PDE4B: variants seen among roughly 807,000 people sequenced by gnomAD.
PDE4B encodes 3',5'-cyclic-AMP phosphodiesterase 4B.
A neutral mutation model predicts 82.2 loss-of-function variants in PDE4B; 20 were observed. That is an observed-to-expected ratio of 0.24 (90% confidence interval 0.17 to 0.35). The LOEUF (loss-of-function observed/expected upper bound fraction) is 0.35. PDE4B is among the 10% of genes least tolerant of loss of function. The pLI is 1.00. For synonymous variants in PDE4B, 320 were observed against 318.9 expected (o/e 1.00, Z -0.04); for missense variants, 655 against 907.2 (o/e 0.72, Z 3.57).
chr1:66,155,155 A>G (rs1358652903), intron 3 of PDE4B, among the ~76,000 whole-genome samples: 3 of 152,124 alleles, frequency 2.0e-5, no homozygotes, highest in African/African-American at 7.2e-5. Context: ...TTACATATAG[A>G]TTGGAGCTGA....
At chr1:66,061,010 G>C (rs1028561791) in intron 3 of PDE4B, among the ~76,000 whole-genome samples, 2 of 151,754 alleles carry the variant, frequency 1.3e-5, no homozygotes, top group South Asian at 4.2e-4. Flanking sequence ...TGAGAAAGAA[G>C]AGTGGGCAGC....
chr1:66,299,910 CT>C (rs1657765912), intron 7 of PDE4B, among the ~76,000 whole-genome samples: 1 of 151,882 alleles, frequency 6.6e-6, no homozygotes, highest in Admixed American at 6.6e-5. Context: ...ATTTGTAGGA[CT>C]TTTTAGTAAC....
At chr1:65,933,721 A>G (rs909266394) in intron 3 of PDE4B, among the ~76,000 whole-genome samples, 2 of 152,184 alleles carry the variant, frequency 1.3e-5, no homozygotes, top group African/African-American at 4.8e-5. Flanking sequence ...CTTAAAAGGA[A>G]TGCTAATGGA....
At chr1:65,856,777 C>A (rs981149963) in intron 1 of PDE4B, among the ~76,000 whole-genome samples, 5 of 152,184 alleles carry the variant, frequency 3.3e-5, no homozygotes, top group African/African-American at 1.2e-4. Flanking sequence ...CATGGTTGAA[C>A]TAACTTACAT....
intron 1 of PDE4B, among the ~76,000 whole-genome samples, chr1:65,816,538 CTCAA>C (rs1645887787): frequency 6.6e-6 from 1 of 152,034 alleles, no homozygotes; most frequent in East Asian, 1.9e-4. Context: ...ATGGTTCATA[CTCAA>C]TTTTGATTTT....
chr1:66,202,631 TG>T (rs1649093994), intron 3 of PDE4B, among the ~76,000 whole-genome samples: 4 of 152,072 alleles, frequency 2.6e-5, no homozygotes, highest in African/African-American at 9.7e-5. Context: ...TGATCTTTGT[TG>T]GTTTAAAGTC....
intron 1 of PDE4B, among the ~76,000 whole-genome samples, chr1:65,877,347 G>C (rs1474820329): frequency 6.6e-6 from 1 of 152,144 alleles, no homozygotes; most frequent in Non-Finnish European, 1.5e-5. Flanking sequence ...CGGGTGCAGT[G>C]GCTCACGCCT....
At chr1:66,372,176 G>A (rs783068) in intron 16 of PDE4B, 137 bp from the exon 17 acceptor site, 194,897 of 849,354 alleles carry the variant, frequency 0.23, 25,006 homozygotes, top group Non-Finnish European at 0.27. Context: ...TGTATTGTGA[G>A]TGCCCAAATC....
At chr1:65,803,956 A>G (rs1338114255) in intron 1 of PDE4B, among the ~76,000 whole-genome samples, 1 of 152,216 alleles carries the variant, frequency 6.6e-6, no homozygotes, top group African/African-American at 2.4e-5. Flanking sequence ...TATGCTGATA[A>G]TGCTTGACTT....
intron 1 of PDE4B, among the ~76,000 whole-genome samples, chr1:65,899,259 A>G (rs920659296): frequency 4.6e-5 from 7 of 152,138 alleles, no homozygotes; most frequent in African/African-American, 1.4e-4. Context: ...AATTAAAACC[A>G]CAATGTGATA....
intron 3 of PDE4B, among the ~76,000 whole-genome samples, chr1:65,985,320 A>C (rs568697942): frequency 1.3e-5 from 2 of 152,234 alleles, no homozygotes; most frequent in East Asian, 3.9e-4. Flanking sequence ...ATTTAATATT[A>C]ATGTGTGCTA....
intron 3 of PDE4B, among the ~76,000 whole-genome samples, chr1:66,006,997 G>A (rs1318361794): frequency 6.6e-6 from 1 of 152,132 alleles, no homozygotes; most frequent in Admixed American, 6.6e-5. Context: ...GCCAGGCATA[G>A]TGGCAAGTGC....
chr1:66,365,033 G>A (rs557960523), intron 12 of PDE4B, among the ~76,000 whole-genome samples: 3 of 152,272 alleles, frequency 2.0e-5, no homozygotes, highest in East Asian at 3.9e-4. Context: ...GTGCATGGGT[G>A]GGGGCAGAGA....
intron 3 of PDE4B, among the ~76,000 whole-genome samples, chr1:66,151,298 A>T (rs772536172): frequency 1.3e-5 from 2 of 152,188 alleles, no homozygotes; most frequent in East Asian, 3.8e-4. Flanking sequence ...CCCATTGCCT[A>T]CATGTTAAAA....
chr1:66,113,266 A>G (rs896672682), intron 3 of PDE4B, among the ~76,000 whole-genome samples: 2 of 152,228 alleles, frequency 1.3e-5, no homozygotes, highest in Admixed American at 6.5e-5. Flanking sequence ...TCAATTTACA[A>G]TTATAATTGT....
At chr1:65,875,125 C>G (rs1167467101) in intron 1 of PDE4B, among the ~76,000 whole-genome samples, 2 of 152,018 alleles carry the variant, frequency 1.3e-5, no homozygotes, top group Non-Finnish European at 2.9e-5. Context: ...ACAACCCCAT[C>G]AAAAAGTGGG....
chr1:65,932,274 CTG>C (rs1205762169), intron 3 of PDE4B, among the ~76,000 whole-genome samples: 2 of 151,966 alleles, frequency 1.3e-5, no homozygotes, highest in African/African-American at 4.8e-5. Flanking sequence ...GCTTCTCTCT[CTG>C]TGTGTCATGG....
rs117528456 is a variant in PDE4B, at chr1:65,915,153, G to T, written c.42+1797G>T. Among the ~76,000 whole-genome samples the T allele has an allele frequency of 2.6e-5, 4 of 152,048 alleles. No homozygotes were observed. The East Asian group carries it at 7.7e-4, about 29-fold the overall frequency. ...AACATTACACTTTTGGTTCTCATTT[G>T]CATTTCTAATCACAGAAATTATATG... On this transcript the variant is annotated intron_variant, in intron 2 of 16. Transcript: ENST00000341517.
chr1:66,093,947 T>G (rs1645070542), intron 3 of PDE4B, among the ~76,000 whole-genome samples: 2 of 152,086 alleles, frequency 1.3e-5, no homozygotes, highest in Admixed American at 1.3e-4. Flanking sequence ...TTTATTGAAC[T>G]TCTCCTATAT....
Sources: allele counts gnomAD v4.1 joint callset (sites outside exome capture counted in the v4.1 genomes callset), GRCh38; gene constraint gnomAD v4.1.1; transcripts MANE v1.5; gene names NCBI Gene and HGNC (gene_info 2026-07-23, HGNC 2026-07-21).